The following RBKS variants were observed in gnomAD, a reference collection of about 807,000 sequenced individuals.
The protein encoded by RBKS is ribokinase.
Under a neutral mutation model 33.9 loss-of-function variants are expected in RBKS, and 33 were observed. That is an observed-to-expected ratio of 0.97 (90% CI 0.74 to 1.30). The LOEUF (loss-of-function observed/expected upper bound fraction) is 1.30. RBKS is among the 50% of genes most tolerant of loss of function. The probability of loss-of-function intolerance (pLI) is 0.00; values close to 1 mark genes in which losing one functional copy is unlikely to be tolerated. For missense variants in RBKS, 361 were observed against 392.6 expected, an observed-to-expected ratio of 0.92 and a Z score of 0.68; for synonymous variants, 125 against 143.0, an observed-to-expected ratio of 0.87 and a Z score of 0.90.
chr2:27,874,884 C>G (rs1664282068), intron 1 of RBKS, among the ~76,000 whole-genome samples: 1 of 152,212 alleles, frequency 6.6e-6, no homozygotes, highest in Non-Finnish European at 1.5e-5. Context: ...TTTATGCTAG[C>G]CAGAGTCTTA....
At chr2:27,802,826 C>G (rs1384955642) in intron 7 of RBKS, among the ~76,000 whole-genome samples, 1 of 152,126 alleles carries the variant, frequency 6.6e-6, no homozygotes, top group African/African-American at 2.4e-5. Context: ...AAGATGAGAA[C>G]CCGCGTGGCA....
At chr2:27,817,625 T>G (rs1678118814) in intron 7 of RBKS, among the ~76,000 whole-genome samples, 1 of 152,222 alleles carries the variant, frequency 6.6e-6, no homozygotes, top group South Asian at 2.1e-4. Context: ...AAGGAAGCAC[T>G]GTCCCAGGGT....
chr2:27,847,939 A>G (rs1286439614), intron 3 of RBKS, 95 bp downstream of exon 3: 1 of 700,262 alleles, frequency 1.4e-6, no homozygotes, highest in Non-Finnish European at 2.5e-6. Flanking sequence ...CACCAGGGGA[A>G]GGTCTAATAA....
chr2:27,811,834 C>G (rs1325068121), intron 7 of RBKS, among the ~76,000 whole-genome samples: 1 of 151,946 alleles, frequency 6.6e-6, no homozygotes, highest in Non-Finnish European at 1.5e-5. Flanking sequence ...GTTTTAATGG[C>G]CATGTTTGGA....
intron 7 of RBKS, among the ~76,000 whole-genome samples, chr2:27,783,390 T>C (rs1677325382): frequency 6.6e-6 from 1 of 152,176 alleles, no homozygotes; most frequent in South Asian, 2.1e-4. Flanking sequence ...CAGAAAGAGC[T>C]GAGAGCCATT....
At chr2:27,799,031 A>G (rs1173029002) in intron 7 of RBKS, among the ~76,000 whole-genome samples, 1 of 152,184 alleles carries the variant, frequency 6.6e-6, no homozygotes, top group Non-Finnish European at 1.5e-5. Context: ...GGCCTGGACC[A>G]TAGCTGAGGT....
chr2:27,781,951 C>T (rs1677295631), intron 7 of RBKS, among the ~76,000 whole-genome samples, 163 bp from the exon 8 acceptor site: 1 of 152,202 alleles, frequency 6.6e-6, no homozygotes, highest in Admixed American at 6.5e-5. Context: ...GTTCTGTTAA[C>T]ACCTTACTGT....
At chr2:27,817,157 T>C (rs1039661017) in intron 7 of RBKS, among the ~76,000 whole-genome samples, 1 of 152,242 alleles carries the variant, frequency 6.6e-6, no homozygotes, top group African/African-American at 2.4e-5. Flanking sequence ...TGTTATTATA[T>C]GCCAAGCATT....
At chr2:27,794,754 G>A (rs767942131) in intron 7 of RBKS, among the ~76,000 whole-genome samples, 2 of 151,868 alleles carry the variant, frequency 1.3e-5, no homozygotes, top group Non-Finnish European at 2.9e-5. Context: ...CTCCCAAGTA[G>A]CTGGGATTAC....
In RBKS at chr2:27,810,054, A is replaced by G; in HGVS notation, c.795+17513T>C. 1 of 1,304,144 alleles carries G rather than the reference A, an allele frequency of 7.7e-7. No individual in the cohort carries two copies. The highest frequency in any genetic ancestry group is 1.2e-5 in the South Asian group (1 of 80,990). The allele number at this position is 1,304,144 out of a possible 1,614,324, so 80.8% of individuals were successfully genotyped here. A position where few individuals can be genotyped will look rare whatever the true frequency, so the allele number is the denominator to read the frequency against. ...CTTGAGCCAGGTCTACACTGTGAAA[A>G]TGAAGGAAGGAACTGAGCAATTGTT... is the stretch of plus-strand genomic sequence containing the variant. On this transcript the variant is annotated intron_variant, in intron 7 of 7. Coordinates refer to ENST00000302188, the MANE Select transcript of RBKS (RefSeq NM_022128.3). The surrounding 1 kb of genome is among the most constrained non-coding windows in gnomAD (Gnocchi z 4.4).
chr2:27,827,441 TTC>T (rs1678333134), intron 7 of RBKS, 124 bp downstream of exon 7: 2 of 786,488 alleles, frequency 2.5e-6, no homozygotes, highest in Non-Finnish European at 3.8e-6. Flanking sequence ...CTGGTTGTTC[TTC>T]TCTTTTACCA....
At chr2:27,884,912 A>G (rs1664496782) in intron 1 of RBKS, among the ~76,000 whole-genome samples, 1 of 152,194 alleles carries the variant, frequency 6.6e-6, no homozygotes, top group African/African-American at 2.4e-5. Flanking sequence ...TAAATGTTGT[A>G]GTGCCCTAGG....
At chr2:27,806,990 C>T (rs1677909619) in intron 7 of RBKS, among the ~76,000 whole-genome samples, 1 of 152,034 alleles carries the variant, frequency 6.6e-6, no homozygotes, top group South Asian at 2.1e-4. Context: ...TGTTTAAAGC[C>T]AAGTCTAATG....
chr2:27,791,378 C>T (rs1029714212), intron 7 of RBKS, among the ~76,000 whole-genome samples: 10 of 152,228 alleles, frequency 6.6e-5, no homozygotes, highest in Middle Eastern at 3.4e-3. Flanking sequence ...TGTGGGCAGG[C>T]ATCTTCTAAT....
intron 7 of RBKS, among the ~76,000 whole-genome samples, chr2:27,790,219 G>C (rs1677496929): frequency 6.6e-6 from 1 of 151,898 alleles, no homozygotes; most frequent in Non-Finnish European, 1.5e-5. Context: ...TGGAGGAAAG[G>C]GCAGTCTTTT....
intron 4 of RBKS, among the ~76,000 whole-genome samples, chr2:27,844,165 C>A (rs894066339): frequency 6.7e-6 from 1 of 150,286 alleles, no homozygotes; most frequent in African/African-American, 2.4e-5. Context: ...GAGCCTGAGG[C>A]GTGAGAGTCG....
Position 27,867,526 on chromosome 2 carries a change from C to A in RBKS, c.90-8955G>T, listed in dbSNP as rs543502013. Among the ~76,000 whole-genome samples, 37 of 152,190 alleles carry A rather than the reference C, an allele frequency of 2.4e-4. No individual in the cohort carries two copies. In the South Asian group the frequency reaches 6.6e-3, roughly 27 times the overall value. ...AAAATGGGGACGAAAAGGGGCACAT[C>A]CTTTTTATTCTTCCAGTATGGCATG... On this transcript the variant is annotated intron_variant, in intron 1 of 7. Transcript: ENST00000302188.
At chr2:27,879,827 C>T (rs569067005) in intron 1 of RBKS, among the ~76,000 whole-genome samples, 21 of 152,116 alleles carry the variant, frequency 1.4e-4, no homozygotes, top group South Asian at 1.0e-3. Flanking sequence ...CAATGAGCTC[C>T]GAAACTGAAT....
At chr2:27,833,142 G>A (rs189584362) in intron 5 of RBKS, among the ~76,000 whole-genome samples, 55 of 152,296 alleles carry the variant, frequency 3.6e-4, no homozygotes, top group Admixed American at 7.8e-4. Flanking sequence ...GGACATTTTT[G>A]TGGGTTACTT....
Sources: gnomAD v4.1 joint callset for allele counts (sites outside exome capture counted in the v4.1 genomes callset) on GRCh38, gnomAD v4.1.1 for gene constraint, Gnocchi (gnomAD v3.1) non-coding constraint, MANE v1.5 for transcripts, NCBI Gene and HGNC (gene_info 2026-07-23, HGNC 2026-07-21) for gene names.